DLG2: variants seen among roughly 807,000 people sequenced by gnomAD.
The protein encoded by DLG2 is disks large homolog 2.
In DLG2, 45 loss-of-function variants were observed where a neutral mutation model predicts 132.5. That is an observed-to-expected ratio of 0.34 (90% confidence interval 0.27 to 0.44). The LOEUF is 0.44. Ranked by LOEUF, DLG2 falls within the 20% of genes least tolerant of loss-of-function variation. DLG2 has a pLI of 1.00. For synonymous variants in DLG2, 424 were observed against 419.6 expected, an observed-to-expected ratio of 1.01 and a Z score of -0.13; for missense variants, 1,045 against 1,196.9, an observed-to-expected ratio of 0.87 and a Z score of 1.87.
intron 3 of DLG2, among the ~76,000 whole-genome samples, chr11:85,519,969 AT>A (rs1051660204): frequency 1.3e-5 from 2 of 151,984 alleles, no homozygotes; most frequent in Admixed American, 1.3e-4. Context: ...AATAAACCCC[AT>A]TCTTTTGTAA....
intron 27 of DLG2, 117 bp from the exon 28 acceptor site, chr11:83,460,041 A>C (rs2089591321): frequency 1.8e-6 from 1 of 568,482 alleles, no homozygotes. Context: ...AGGAAGCTTC[A>C]TATCATTTTT....
chr11:84,964,272 C>T (rs548237465), intron 6 of DLG2, among the ~76,000 whole-genome samples: 103 of 152,148 alleles, frequency 6.8e-4, no homozygotes, highest in African/African-American at 2.4e-3. Flanking sequence ...TCATATACAA[C>T]CTTCAGGTCA....
At chr11:85,011,989 T>C (rs75470996) in intron 6 of DLG2, among the ~76,000 whole-genome samples, 2,094 of 152,258 alleles carry the variant, frequency 0.014, 46 homozygotes, top group African/African-American at 0.047. Context: ...AAGGAAACCA[T>C]AGACTGGTCA....
intron 3 of DLG2, among the ~76,000 whole-genome samples, chr11:85,502,291 T>A (rs770355988): frequency 3.3e-5 from 5 of 150,498 alleles, no homozygotes; most frequent in African/African-American, 9.8e-5. Flanking sequence ...AGGGGAGGGA[T>A]AACATTAGGA....
intron 6 of DLG2, among the ~76,000 whole-genome samples, chr11:84,772,048 CAA>C (rs1257778261): frequency 6.6e-6 from 1 of 151,436 alleles, no homozygotes; most frequent in Admixed American, 6.6e-5. Flanking sequence ...TAGGCTCAAT[CAA>C]AGAGTTGGAG....
intron 7 of DLG2, among the ~76,000 whole-genome samples, chr11:84,312,461 A>G (rs1310943520): frequency 6.6e-6 from 1 of 152,230 alleles, no homozygotes; most frequent in Non-Finnish European, 1.5e-5. Flanking sequence ...GACCAGTGCG[A>G]GACTGCATCT....
intron 3 of DLG2, among the ~76,000 whole-genome samples, chr11:85,305,759 C>T (rs1413022253): frequency 3.3e-5 from 5 of 152,170 alleles, no homozygotes; most frequent in Admixed American, 1.3e-4. Context: ...ATGGTCCGCC[C>T]GCCTCGGCTT....
intron 19 of DLG2, among the ~76,000 whole-genome samples, chr11:83,551,160 C>T (rs563680751): frequency 2.2e-4 from 34 of 152,196 alleles, no homozygotes; most frequent in African/African-American, 3.6e-4. Context: ...AATCCCTGTC[C>T]GACAGGGTCC....
chr11:83,793,260 T>C (rs1024769589), intron 17 of DLG2, among the ~76,000 whole-genome samples: 4 of 152,210 alleles, frequency 2.6e-5, no homozygotes, highest in African/African-American at 9.6e-5. Context: ...TTATTTCATA[T>C]CATAGATAGA....
intron 3 of DLG2, among the ~76,000 whole-genome samples, chr11:85,441,185 C>T (rs1156307270): frequency 2.6e-5 from 4 of 152,164 alleles, no homozygotes; most frequent in Non-Finnish European, 5.9e-5. Flanking sequence ...AAGATTTCTT[C>T]TGTATATCCC....
chr11:84,755,149 G>A (rs977550978), intron 6 of DLG2, among the ~76,000 whole-genome samples: 11 of 152,092 alleles, frequency 7.2e-5, no homozygotes, highest in South Asian at 2.1e-4. Flanking sequence ...TGAAGAGACC[G>A]GAAGAACCCT....
chr11:84,595,263 C>A (rs974635851), intron 6 of DLG2, among the ~76,000 whole-genome samples: 4 of 151,994 alleles, frequency 2.6e-5, no homozygotes, highest in African/African-American at 9.7e-5. Flanking sequence ...TGCCACCATG[C>A]TGGGCTAATT....
chr11:84,664,795 TATG>T (rs1247171474), intron 6 of DLG2, among the ~76,000 whole-genome samples: 7 of 152,118 alleles, frequency 4.6e-5, no homozygotes, highest in Non-Finnish European at 1.0e-4. Context: ...TACAAAATAA[TATG>T]AAGATGCTGA....
chr11:83,633,383 C>G (rs1453770781), intron 18 of DLG2, 58 bp from the exon 19 acceptor site: 2 of 1,417,792 alleles, frequency 1.4e-6, no homozygotes, highest in Admixed American at 3.7e-5. Context: ...GTTGGAAATG[C>G]TGCACAGCCC....
chr11:85,626,244 G>C (rs2082022358), intron 2 of DLG2, among the ~76,000 whole-genome samples: 1 of 152,210 alleles, frequency 6.6e-6, no homozygotes, highest in African/African-American at 2.4e-5. Flanking sequence ...ATGAGGAAGA[G>C]CTCCACTGCA....
At position 83,782,463 on chromosome 11, in the gene DLG2, C is replaced by T. The variant is rs557254518; in HGVS notation, c.1825+4227G>A. On this transcript the variant is annotated intron_variant, in intron 18 of 27. Transcript: ENST00000376104. ...GAGGTGTGCAAACTGTCATAATGGG[C>T]ACACCAGGTGTTTACATACAGTTTT... Among the ~76,000 whole-genome samples the T allele has an allele frequency of 4.6e-4, 70 of 152,226 alleles. No individual in the cohort carries two copies. The South Asian group carries it at 0.013, about 28-fold the overall frequency.
intron 3 of DLG2, among the ~76,000 whole-genome samples, chr11:85,422,574 GTTTC>G (rs2090405858): frequency 6.6e-6 from 1 of 151,474 alleles, no homozygotes; most frequent in Non-Finnish European, 1.5e-5. Flanking sequence ...GGGTTTCTTT[GTTTC>G]TTTGTTTTTT....
chr11:83,663,383 T>G (rs7105048), intron 18 of DLG2, among the ~76,000 whole-genome samples: 5,167 of 152,072 alleles, frequency 0.034, 282 homozygotes, highest in African/African-American at 0.12. Context: ...AGGTTAAGAG[T>G]TGTTTGTATT....
At chr11:85,184,127 T>C (rs1197302995) in intron 4 of DLG2, among the ~76,000 whole-genome samples, 1 of 151,852 alleles carries the variant, frequency 6.6e-6, no homozygotes, top group Non-Finnish European at 1.5e-5. Context: ...CCTCTCAACA[T>C]AGCTTGTTCA....
Sources: gnomAD v4.1 joint callset for allele counts (sites outside exome capture counted in the v4.1 genomes callset) on GRCh38, gnomAD v4.1.1 for gene constraint, MANE v1.5 for transcripts, NCBI Gene and HGNC (gene_info 2026-07-23, HGNC 2026-07-21) for gene names.